EPHA6: variants seen among roughly 807,000 people sequenced by gnomAD.
EPHA6 encodes EPH receptor A6.
In EPHA6, 50 loss-of-function variants were observed where a neutral mutation model predicts 112.0. The observed-to-expected ratio is 0.45, with a 90% CI of 0.36 to 0.56. The LOEUF (loss-of-function observed/expected upper bound fraction) is 0.56, where lower values mean the gene tolerates loss of function less well. EPHA6 is among the 20% of genes least tolerant of loss of function. EPHA6 has a pLI of 0.00. For missense variants in EPHA6, 1,280 were observed against 1,417.4 expected (o/e 0.90, Z 1.56); for synonymous variants, 529 against 490.7 (o/e 1.08, Z -1.03).
chr3:97,536,936 T>G (rs2092772301), intron 11 of EPHA6, among the ~76,000 whole-genome samples: 1 of 152,102 alleles, frequency 6.6e-6, no homozygotes, highest in Non-Finnish European at 1.5e-5. Context: ...ATTTTGTGAT[T>G]CCATTTTGTT....
chr3:97,587,658 G>T (rs959996968), intron 11 of EPHA6, among the ~76,000 whole-genome samples: 4 of 152,118 alleles, frequency 2.6e-5, no homozygotes, highest in African/African-American at 9.7e-5. Context: ...AGTGCTCCTG[G>T]TGGTTTTTTG....
At position 97,757,755 on chromosome 3, in the gene EPHA6, G is replaced by C. The variant is rs750781815; in HGVS notation, c.*9054G>C. Among the ~76,000 whole-genome samples the C allele has an allele frequency of 4.0e-5, 6 of 151,644 alleles. 1 individual carries two copies. The highest frequency in any genetic ancestry group is 8.9e-5 in the Non-Finnish European group (6 of 67,696). The stretch of plus-strand genomic sequence containing the variant: ...AATTTTATGTGATATAATATGTTTT[G>C]ATCTCTAAATGCTTACATTCTTTCA... On this transcript the variant is annotated 3_prime_UTR_variant, in exon 18 of 18. Coordinates refer to ENST00000389672, the MANE Select transcript of EPHA6 (RefSeq NM_001080448.3).
intron 9 of EPHA6, among the ~76,000 whole-genome samples, chr3:97,483,181 A>G (rs2107495484): frequency 6.6e-6 from 1 of 152,330 alleles, no homozygotes; most frequent in Non-Finnish European, 1.5e-5. Context: ...TCACAAATGG[A>G]CATACAACCA....
chr3:97,758,578 C>G lies in EPHA6; in HGVS notation c.*9877C>G, dbSNP rs1230914280. On this transcript the variant is annotated 3_prime_UTR_variant, in exon 18 of 18. Coordinates refer to ENST00000389672, the MANE Select transcript of EPHA6 (RefSeq NM_001080448.3). ...TGACCAAGACAAGCAAAGTCCCTGT[C>G]TCATGGAATTGACCTTCTAGTGATA... Among the ~76,000 whole-genome samples, 1 of 151,884 alleles carries G rather than the reference C, an allele frequency of 6.6e-6. No homozygotes were observed. Among genetic ancestry groups the G allele is most frequent in the Non-Finnish European group, 1.5e-5 (1 of 67,876 alleles).
intron 6 of EPHA6, among the ~76,000 whole-genome samples, chr3:97,442,986 G>T (rs9859011): frequency 0.12 from 18,777 of 152,030 alleles, 3,710 homozygotes; most frequent in African/African-American, 0.41. Flanking sequence ...AAGATTTTTT[G>T]ATAGCCTTTC....
At chr3:97,079,127 T>G (rs1576448608) in intron 3 of EPHA6, among the ~76,000 whole-genome samples, 2 of 151,860 alleles carry the variant, frequency 1.3e-5, no homozygotes, top group South Asian at 4.2e-4. Flanking sequence ...CCCATCAATG[T>G]TAGACTGATG....
intron 14 of EPHA6, among the ~76,000 whole-genome samples, chr3:97,674,745 T>C (rs2031195718): frequency 6.6e-6 from 1 of 152,254 alleles, no homozygotes; most frequent in Non-Finnish European, 1.5e-5. Context: ...GCAAGCATTG[T>C]GCTTGTTATT....
intron 2 of EPHA6, among the ~76,000 whole-genome samples, chr3:96,961,506 G>A (rs1174001576): frequency 6.6e-6 from 1 of 152,152 alleles, no homozygotes; most frequent in African/African-American, 2.4e-5. Context: ...TGGCTAAATT[G>A]AGTGTGTCAT....
intron 3 of EPHA6, among the ~76,000 whole-genome samples, chr3:97,180,083 C>T (rs1416718648): frequency 6.6e-6 from 1 of 152,058 alleles, no homozygotes; most frequent in Non-Finnish European, 1.5e-5. Context: ...ATAAGTGCAT[C>T]TAAGCTGGCA....
At position 97,373,642 on chromosome 3, in the gene EPHA6, TAAG is replaced by T. The variant is rs2085190004; in HGVS notation, c.1607-31505_1607-31503del. The stretch of plus-strand genomic sequence containing the variant: ...GCCTTTTAGGAAGTAGTGTCAGTAA[TAAG>T]AAATACTGCTTTTGAGATATTACAG... On this transcript the variant is annotated intron_variant, in intron 5 of 17. Coordinates refer to ENST00000389672, the MANE Select transcript of EPHA6 (RefSeq NM_001080448.3). Among the ~76,000 whole-genome samples the T allele has an allele frequency of 2.0e-5, 3 of 152,268 alleles. No individual in the cohort carries two copies. The South Asian group carries it at 6.2e-4, about 32-fold the overall frequency.
At chr3:97,295,921 G>A (rs1253838237) in intron 5 of EPHA6, among the ~76,000 whole-genome samples, 2 of 152,084 alleles carry the variant, frequency 1.3e-5, no homozygotes, top group Non-Finnish European at 2.9e-5. Context: ...GCAGCAGTGG[G>A]CCAATCATGC....
At chr3:97,188,758 A>G (rs949390455) in intron 3 of EPHA6, among the ~76,000 whole-genome samples, 1 of 151,970 alleles carries the variant, frequency 6.6e-6, no homozygotes, top group South Asian at 2.1e-4. Flanking sequence ...AATCATTTAG[A>G]GGAAAAATAT....
intron 2 of EPHA6, among the ~76,000 whole-genome samples, chr3:96,911,648 T>C (rs2039219988): frequency 6.6e-6 from 1 of 151,788 alleles, no homozygotes; most frequent in Admixed American, 6.6e-5. Flanking sequence ...CTGTCTCATA[T>C]TATTACTTAT....
chr3:97,084,107 T>C (rs1441257570), intron 3 of EPHA6, among the ~76,000 whole-genome samples: 1,876 of 75,810 alleles, frequency 0.025, 58 homozygotes, highest in African/African-American at 0.17. Context: ...CATGGATATA[T>C]ATATATATAT....
At chr3:97,648,186 A>G in intron 14 of EPHA6, 2 of 564,338 alleles carry the variant, frequency 3.5e-6, no homozygotes, top group Non-Finnish European at 6.3e-6. Flanking sequence ...AATTCAGTCG[A>G]AATACTTTGT....
chr3:97,180,015 G>A (rs1246931872), intron 3 of EPHA6, among the ~76,000 whole-genome samples: 10 of 152,078 alleles, frequency 6.6e-5, no homozygotes, highest in African/African-American at 1.9e-4. Flanking sequence ...TGGTCCAGAT[G>A]TACTGTCTTG....
intron 5 of EPHA6, among the ~76,000 whole-genome samples, chr3:97,382,090 AT>A (rs2085778399): frequency 6.6e-6 from 1 of 152,110 alleles, no homozygotes; most frequent in South Asian, 2.1e-4. Context: ...AGAAATGTAT[AT>A]TTTAAATAAA....
chr3:96,952,917 G>A (rs1321443884), intron 2 of EPHA6, among the ~76,000 whole-genome samples: 1 of 152,036 alleles, frequency 6.6e-6, no homozygotes, highest in Non-Finnish European at 1.5e-5. Context: ...AGGGTATTAG[G>A]CTTAATACCT....
At chr3:97,118,066 T>C (rs1221571465) in intron 3 of EPHA6, among the ~76,000 whole-genome samples, 1 of 151,796 alleles carries the variant, frequency 6.6e-6, no homozygotes, top group African/African-American at 2.4e-5. Flanking sequence ...ATAACTAGCT[T>C]ACTAAGAGTT....
Sources: gnomAD v4.1 joint callset for allele counts (sites outside exome capture counted in the v4.1 genomes callset) on GRCh38, gnomAD v4.1.1 for gene constraint, MANE v1.5 for transcripts, NCBI Gene and HGNC (gene_info 2026-07-23, HGNC 2026-07-21) for gene names.